The following NCEH1 variants were observed in gnomAD, a reference collection of about 807,000 sequenced individuals.
NCEH1 encodes the protein 2-acetyl MAGE hydrolase.
In NCEH1, 9 loss-of-function variants were observed where a neutral mutation model predicts 25.4. The observed-to-expected ratio is 0.35, with a 90% CI of 0.21 to 0.62. NCEH1 has a LOEUF of 0.62. NCEH1 is among the 20% of genes least tolerant of loss of function. The probability of loss-of-function intolerance (pLI) is 0.72; values close to 1 mark genes in which losing one functional copy is unlikely to be tolerated. For synonymous variants in NCEH1, 200 were observed against 199.8 expected (o/e 1.00, Z -0.01); for missense variants, 412 against 501.1 (o/e 0.82, Z 1.70).
chr3:172,710,387 C>G (rs894095562), intron 1 of NCEH1, among the ~76,000 whole-genome samples: 5 of 152,220 alleles, frequency 3.3e-5, no homozygotes, highest in Non-Finnish European at 5.9e-5. Flanking sequence ...CGAGACTGCC[C>G]TTGCCTGCTT....
chr3:172,679,655 T>G (rs1452336976), intron 1 of NCEH1, among the ~76,000 whole-genome samples: 1 of 150,246 alleles, frequency 6.7e-6, no homozygotes, highest in East Asian at 2.0e-4. Context: ...TTTCCTATAA[T>G]AAGAAACAAC....
At chr3:172,700,430 G>C (rs1713617000) in intron 1 of NCEH1, among the ~76,000 whole-genome samples, 1 of 152,170 alleles carries the variant, frequency 6.6e-6, no homozygotes, top group Non-Finnish European at 1.5e-5. Flanking sequence ...TCACAGCATA[G>C]CCCAGCAGGG....
In NCEH1 at chr3:172,633,969, G is replaced by A. The variant is rs760400495; in HGVS notation, c.733C>T (p.Arg245Cys). Residue 245 changes from arginine (R) to cysteine (C), a missense_variant, in exon 5 of 5, where the codon CGC becomes TGC. This residue lies in a region of NCEH1 where 210 missense variants were observed against 258.2 expected (regional missense o/e 0.81). Coordinates refer to ENST00000475381, the MANE Select transcript of NCEH1 (RefSeq NM_020792.6). ...ACCCAATACTTCACCATGACATAGC[G>A]GGGCAGGATTGGGGTGTTCACATTT... Reference protein sequence around the residue: ...QQNVNTPILPRYVMVKYWVDY... With the variant: ...QQNVNTPILPCYVMVKYWVDY... 3.1e-5 allele frequency: 50 copies of A among 1,614,212 alleles called. No individual in the cohort carries two copies. Among genetic ancestry groups the A allele is most frequent in the Non-Finnish European group, 3.6e-5 (43 of 1,180,038 alleles).
At chr3:172,695,944 A>C (rs1025389787) in intron 1 of NCEH1, among the ~76,000 whole-genome samples, 11 of 152,048 alleles carry the variant, frequency 7.2e-5, no homozygotes, top group African/African-American at 2.7e-4. Context: ...CCTCTGTCTC[A>C]AAAAAATAAA....
chr3:172,644,817 C>A (rs1460165235), intron 3 of NCEH1, among the ~76,000 whole-genome samples: 1 of 152,104 alleles, frequency 6.6e-6, no homozygotes, highest in East Asian at 1.9e-4. Context: ...TTATAAAATT[C>A]ATATTGTCTA....
chr3:172,698,876 G>A (rs1713529371), intron 1 of NCEH1, among the ~76,000 whole-genome samples: 1 of 152,232 alleles, frequency 6.6e-6, no homozygotes, highest in Admixed American at 6.5e-5. Flanking sequence ...TGCGACAGAC[G>A]CGGTAACACA....
At chr3:172,675,419 A>G (rs1711938315) in intron 1 of NCEH1, among the ~76,000 whole-genome samples, 2 of 150,946 alleles carry the variant, frequency 1.3e-5, no homozygotes, top group South Asian at 4.2e-4. Flanking sequence ...CATTGTGCAC[A>G]AGTATAATTT....
chr3:172,664,239 G>A (rs543685627), intron 1 of NCEH1, among the ~76,000 whole-genome samples: 1 of 152,322 alleles, frequency 6.6e-6, no homozygotes, highest in South Asian at 2.1e-4. Context: ...GGCTGGATAT[G>A]AAATTCTGGG....
chr3:172,662,211 A>T (rs991088615), intron 1 of NCEH1, among the ~76,000 whole-genome samples: 1 of 152,224 alleles, frequency 6.6e-6, no homozygotes, highest in Non-Finnish European at 1.5e-5. Context: ...CTTTTTCTGC[A>T]TCTATTGAGA....
intron 3 of NCEH1, among the ~76,000 whole-genome samples, chr3:172,644,218 T>TGGGG (rs1179490886): frequency 1.0e-4 from 15 of 149,594 alleles, no homozygotes; most frequent in Non-Finnish European, 1.6e-4. Context: ...TCTAGGGCTT[T>TGGGG]TGAGTGACTC....
intron 1 of NCEH1, among the ~76,000 whole-genome samples, chr3:172,707,432 A>C (rs1417135590): frequency 6.6e-6 from 1 of 152,218 alleles, no homozygotes; most frequent in Non-Finnish European, 1.5e-5. Flanking sequence ...TGCTAATGTA[A>C]AAGGGCTCAT....
chr3:172,633,889 G>A lies in NCEH1; in HGVS notation c.813C>T (p.His271=). ...CAGCCTCTTCCACATCAAGTGAAGT[G>A]TGATTGTTAACGATCATTGCCTGCA... is the stretch of plus-strand genomic sequence containing the variant. ...DFVQAMIVNN[H]TSLDVEEAAA... The change falls in exon 5 of 5, where the codon CAC becomes CAT. Residue 271 remains histidine (H), a synonymous_variant. Coordinates refer to ENST00000475381, the MANE Select transcript of NCEH1 (RefSeq NM_020792.6). 3 of 1,614,244 alleles carry A rather than the reference G, an allele frequency of 1.9e-6. No individual in the cohort carries two copies. The highest frequency in any genetic ancestry group is 1.3e-5 in the African/African-American group (1 of 75,068).
chr3:172,668,910 A>C (rs1718355206), intron 1 of NCEH1, among the ~76,000 whole-genome samples: 1 of 152,166 alleles, frequency 6.6e-6, no homozygotes, highest in Admixed American at 6.5e-5. Context: ...GAGCTTTACA[A>C]AAACTGAATG....
intron 1 of NCEH1, among the ~76,000 whole-genome samples, chr3:172,695,252 G>A (rs1447958774): frequency 1.3e-5 from 2 of 152,142 alleles, no homozygotes; most frequent in Admixed American, 1.3e-4. Flanking sequence ...TTCACATTGA[G>A]GCAAGGTCAC....
intron 1 of NCEH1, among the ~76,000 whole-genome samples, chr3:172,655,792 G>A (rs1717663731): frequency 6.6e-6 from 1 of 152,178 alleles, no homozygotes; most frequent in Non-Finnish European, 1.5e-5. Context: ...ACCAGAGAGG[G>A]AAAGTTAATT....
chr3:172,683,127 G>A (rs1712483529), intron 1 of NCEH1, among the ~76,000 whole-genome samples: 1 of 64,404 alleles, frequency 1.6e-5, no homozygotes, highest in Admixed American at 1.2e-4. Context: ...GGCAGGGCCG[G>A]GCGCGGTGGC....
chr3:172,636,449 T>C (rs1000399566), intron 3 of NCEH1, among the ~76,000 whole-genome samples: 1 of 152,196 alleles, frequency 6.6e-6, no homozygotes. Flanking sequence ...ATTTTATTTC[T>C]GGAAGTCAGC....
intron 1 of NCEH1, among the ~76,000 whole-genome samples, chr3:172,699,503 G>A (rs1321709460): frequency 6.6e-6 from 1 of 152,192 alleles, no homozygotes. Context: ...TAGGCCAAAT[G>A]TGTGCAAGTC....
chr3:172,650,420 G>A (rs1717339754), intron 1 of NCEH1, among the ~76,000 whole-genome samples: 1 of 151,898 alleles, frequency 6.6e-6, no homozygotes, highest in African/African-American at 2.4e-5. Flanking sequence ...AAGATGGGCG[G>A]ATCATGAGGT....
Sources: gnomAD v4.1 joint callset for allele counts (sites outside exome capture counted in the v4.1 genomes callset) on GRCh38, gnomAD v4.1.1 for gene constraint, gnomAD v4.1.1 regional missense constraint, MANE v1.5 for transcripts, NCBI Gene and HGNC (gene_info 2026-07-23, HGNC 2026-07-21) for gene names.